The following C7 variants were observed in gnomAD, a reference collection of about 807,000 sequenced individuals.
The protein encoded by C7 is complement component C7.
Under a neutral mutation model 104.8 loss-of-function variants are expected in C7, and 83 were observed. The ratio of observed to expected loss-of-function variants is 0.79; its 90% CI spans 0.66 to 0.95. C7 has a LOEUF of 0.95. C7 is among the 40% of genes least tolerant of loss of function. The pLI, the probability that C7 is intolerant of heterozygous loss-of-function variation, is 0.00. For missense variants in C7, 1,070 were observed against 1,011.2 expected (o/e 1.06, Z -0.79); for synonymous variants, 415 against 360.6 (o/e 1.15, Z -1.71).
chr5:40,948,201 A>T (rs1740092425), intron 8 of C7, among the ~76,000 whole-genome samples: 1 of 151,834 alleles, frequency 6.6e-6, no homozygotes, highest in Non-Finnish European at 1.5e-5. Context: ...AGAAATCAAG[A>T]TGTTTAAATA....
Position 40,984,513 on chromosome 5 carries a change from A to G in C7, c.*2940A>G, listed in dbSNP as rs1201727415. ...GTGCTGAGCAGCTGGTTTATACAGC[A>G]TTCCCTGAAACAGCCTAGTATGTGT... On this transcript the variant is annotated 3_prime_UTR_variant, in exon 18 of 18. Coordinates refer to ENST00000313164, the MANE Select transcript of C7 (RefSeq NM_000587.4). Among the ~76,000 whole-genome samples the G allele has an allele frequency of 6.6e-6, 1 of 152,180 alleles. No individual in the cohort carries two copies. Among genetic ancestry groups the G allele is most frequent in the Admixed American group, 6.5e-5 (1 of 15,284 alleles).
rs1005035776 is a variant in C7, at chr5:40,959,689, T to C, written c.1661+69T>C. The C allele has an allele frequency of 5.0e-6, 6 of 1,188,846 alleles. No individual in the cohort carries two copies. In the Admixed American group the frequency reaches 1.4e-4, roughly 28 times the overall value. 73.6% of individuals were successfully genotyped at this position (1,188,846 alleles called of 1,614,324 possible). A position where few individuals can be genotyped will look rare whatever the true frequency, so the allele number is the denominator to read the frequency against. ...CCCTCTGCAGTTAGCATGGAACACA[T>C]GATTGCTGCTGTCGAGAGATTTAGA... On this transcript the variant is annotated intron_variant, in intron 12 of 17. Transcript: ENST00000313164.
intron 1 of C7, among the ~76,000 whole-genome samples, chr5:40,923,652 A>G (rs113459600): frequency 0.034 from 5,117 of 152,194 alleles, 297 homozygotes; most frequent in African/African-American, 0.11. Flanking sequence ...AGGCTGAGGC[A>G]GGAGAATCAC....
At chr5:40,968,003 C>T (rs1371515806) in intron 14 of C7, among the ~76,000 whole-genome samples, 1 of 152,124 alleles carries the variant, frequency 6.6e-6, no homozygotes. Flanking sequence ...TTGCTTCTGT[C>T]CCATTCTTCC....
At chr5:40,968,074 A>T (rs6451551) in intron 14 of C7, among the ~76,000 whole-genome samples, 3 of 152,078 alleles carry the variant, frequency 2.0e-5, no homozygotes, top group Non-Finnish European at 4.4e-5. Context: ...TTTTAACATC[A>T]TTTTTTTGTT....
At chr5:40,955,664 T>A (rs1740275485) in intron 10 of C7, 111 bp downstream of exon 10, 2 of 853,920 alleles carry the variant, frequency 2.3e-6, no homozygotes, top group Non-Finnish European at 3.6e-6. Context: ...AATTAGCATT[T>A]TCCGTATCCC....
chr5:40,926,566 A>T (rs917111247), intron 1 of C7, among the ~76,000 whole-genome samples: 6 of 152,234 alleles, frequency 3.9e-5, no homozygotes, highest in Non-Finnish European at 7.3e-5. Context: ...GAATACTGTA[A>T]AATTGTAGAA....
At position 40,915,548 on chromosome 5, in the gene C7, G is replaced by A. The variant is rs965855958; in HGVS notation, c.6+5932G>A. 8.0e-4 allele frequency among the ~76,000 whole-genome samples: 121 copies of A among 152,154 alleles called. 10 individuals carry two copies. Among genetic ancestry groups the A allele is most frequent in the Non-Finnish European group, 1.5e-5 (1 of 68,042 alleles). The stretch of plus-strand genomic sequence containing the variant: ...GGACAAGACAAAATGAGCTGACACA[G>A]CACGGAGGAAAGCCACATTATTGGA... On this transcript the variant is annotated intron_variant, in intron 1 of 17. Coordinates refer to ENST00000313164, the MANE Select transcript of C7 (RefSeq NM_000587.4).
At chr5:40,970,682 C>T (rs575024614) in intron 14 of C7, among the ~76,000 whole-genome samples, 33 of 152,148 alleles carry the variant, frequency 2.2e-4, no homozygotes, top group African/African-American at 7.7e-4. Context: ...TGGTAGTTTG[C>T]TGCATCTATC....
intron 1 of C7, among the ~76,000 whole-genome samples, chr5:40,920,568 T>C (rs1461846274): frequency 6.7e-6 from 1 of 148,422 alleles, no homozygotes; most frequent in Non-Finnish European, 1.5e-5. Context: ...GAGGACTTGA[T>C]GGCTTCATGG....
At chr5:40,947,383 G>A (rs1017739548) in intron 7 of C7, among the ~76,000 whole-genome samples, 2 of 151,920 alleles carry the variant, frequency 1.3e-5, no homozygotes, top group African/African-American at 4.8e-5. Flanking sequence ...ACCTTGCCTG[G>A]CCATTACTCA....
chr5:40,975,780 T>C (rs970204182), intron 15 of C7, among the ~76,000 whole-genome samples: 2 of 152,224 alleles, frequency 1.3e-5, no homozygotes, highest in African/African-American at 4.8e-5. Flanking sequence ...TAATGTCATG[T>C]CCAAGGCTCT....
intron 7 of C7, among the ~76,000 whole-genome samples, chr5:40,946,652 A>G (rs1740056292): frequency 6.6e-6 from 1 of 152,168 alleles, no homozygotes; most frequent in Non-Finnish European, 1.5e-5. Context: ...GTCATTGTCA[A>G]GATGTGGACC....
rs748667841 is a variant in C7, at chr5:40,936,454, C to T, written c.397C>T (p.Pro133Ser). ...GAGACCTTCCTGTGATATCGATAAA[C>T]CTCCTCCTAACATAGAACTTACTGG... is the stretch of plus-strand genomic sequence containing the variant. ...ERRPSCDIDKPPPNIELTGNG... is the reference protein window; with the variant it reads ...ERRPSCDIDKSPPNIELTGNG... The change falls in exon 5 of 18, where the codon CCT becomes TCT. Residue 133 changes from proline to serine, a missense_variant. Transcript: ENST00000313164. 3 of 1,613,032 alleles carry T rather than the reference C, an allele frequency of 1.9e-6. No homozygotes were observed. The highest frequency in any genetic ancestry group is 3.3e-5 in the Admixed American group (2 of 59,904).
chr5:40,947,674 C>G lies in C7; in HGVS notation c.811C>G (p.Gln271Glu). ...QFINNNPEFL[Q>E]LAEPFWKELS... The stretch of plus-strand genomic sequence containing the variant: ...CATTAATAACAATCCAGAATTTTTA[C>G]AACTTGCTGAGCCATTCTGGAAGGA... Residue 271 changes from glutamine (Q) to glutamate (E), a missense_variant, in exon 8 of 18, where the codon CAA becomes GAA. Transcript: ENST00000313164. The G allele has an allele frequency of 6.2e-7, 1 of 1,613,616 alleles. No homozygotes were observed. Among genetic ancestry groups the G allele is most frequent in the Non-Finnish European group, 8.5e-7 (1 of 1,179,714 alleles).
chr5:40,971,359 T>A, intron 14 of C7, among the ~76,000 whole-genome samples: 1 of 152,228 alleles, frequency 6.6e-6, no homozygotes, highest in East Asian at 1.9e-4. Context: ...TTTTTTCATA[T>A]GTTTGTTGGC....
chr5:40,972,948 CA>C (rs1265738929), intron 15 of C7, among the ~76,000 whole-genome samples: 2 of 152,026 alleles, frequency 1.3e-5, no homozygotes, highest in Non-Finnish European at 1.5e-5. Flanking sequence ...CTGCATTTTT[CA>C]TAAGTACAGA....
chr5:40,963,116 G>C (rs1173345421), intron 13 of C7, among the ~76,000 whole-genome samples: 5 of 152,184 alleles, frequency 3.3e-5, no homozygotes, highest in African/African-American at 1.2e-4. Flanking sequence ...ACTCATGCAT[G>C]TTAGCAAACC....
chr5:40,971,093 A>G (rs568470156), intron 14 of C7, among the ~76,000 whole-genome samples: 1 of 152,334 alleles, frequency 6.6e-6, no homozygotes, highest in African/African-American at 2.4e-5. Context: ...CCCTTTGGGT[A>G]TATACCCAGT....
Sources: gnomAD v4.1 joint callset for allele counts (sites outside exome capture counted in the v4.1 genomes callset) on GRCh38, gnomAD v4.1.1 for gene constraint, MANE v1.5 for transcripts, NCBI Gene and HGNC (gene_info 2026-07-23, HGNC 2026-07-21) for gene names.